The following HMOX2 variants were observed in gnomAD, a reference collection of about 807,000 sequenced individuals.
HMOX2 encodes heme oxygenase 2, also known as heme oxygenase (decycling) 2.
Under a neutral mutation model 33.7 loss-of-function variants are expected in HMOX2, and 30 were observed. The observed-to-expected ratio is 0.89, with a 90% CI of 0.67 to 1.21. HMOX2 has a LOEUF of 1.21. Among genes scored for constraint, HMOX2 ranks in the 50% most tolerant of loss-of-function variants. The pLI is 0.00. For missense variants in HMOX2, 403 were observed against 399.1 expected (o/e 1.01, Z -0.08); for synonymous variants, 155 against 155.0 (o/e 1.00, Z 0.00).
intron 1 of HMOX2, among the ~76,000 whole-genome samples, chr16:4,504,534 AT>A (rs1041740798): frequency 2.0e-5 from 3 of 147,972 alleles, no homozygotes; most frequent in Non-Finnish European, 4.5e-5. Context: ...CTAATTTTGC[AT>A]TTTTAGTAGA....
chr16:4,497,928 T>A (rs1466474014), intron 1 of HMOX2, among the ~76,000 whole-genome samples: 1 of 152,092 alleles, frequency 6.6e-6, no homozygotes, highest in Non-Finnish European at 1.5e-5. Flanking sequence ...ACTTAAGAGG[T>A]TAATGCCTTT....
intron 1 of HMOX2, among the ~76,000 whole-genome samples, chr16:4,501,310 C>T (rs895352106): frequency 1.3e-5 from 2 of 152,094 alleles, no homozygotes; most frequent in African/African-American, 4.8e-5. Context: ...CAGTTATAGT[C>T]GGTGTTTGGG....
Position 4,508,040 on chromosome 16 carries a change from C to T in HMOX2, c.532C>T (p.Pro178Ser). 1.2e-6 allele frequency: 2 copies of T among 1,614,004 alleles called. No individual in the cohort carries two copies. Among genetic ancestry groups the T allele is most frequent in the Non-Finnish European group, 1.7e-6 (2 of 1,179,986 alleles). ...GGTGGCCCAGCGAGCACTGAAACTC[C>T]CCAGCACAGGGGAAGGGACCCAGTT... ...KKVAQRALKL[P>S]STGEGTQFYL... The change falls in exon 4 of 6, where the codon CCC becomes TCC. Residue 178 changes from proline (P) to serine (S), a missense_variant. Physicochemically the swap from Pro to Ser is moderately conservative, Grantham distance 74 (BLOSUM62 -1). Coordinates refer to ENST00000570646, the MANE Select transcript of HMOX2 (RefSeq NM_002134.4).
At chr16:4,489,034 G>A (rs1321652019) in intron 1 of HMOX2, among the ~76,000 whole-genome samples, 1 of 151,936 alleles carries the variant, frequency 6.6e-6, no homozygotes, top group African/African-American at 2.4e-5. Context: ...TTGCCTTGTT[G>A]CCCAGGCTGG....
At chr16:4,474,949 T>A (rs2057773243), upstream of HMOX2, 1 of 152,038 alleles carries the variant, frequency 6.6e-6, no homozygotes. Flanking sequence ...ACTTTTAAAA[T>A]TTTATTATTT....
chr16:4,474,953 A>T (rs2057773577), upstream of HMOX2: 1 of 151,748 alleles, frequency 6.6e-6, no homozygotes, highest in African/African-American at 2.4e-5. Flanking sequence ...TTAAAATTTT[A>T]TTATTTTTAT....
intron 1 of HMOX2, among the ~76,000 whole-genome samples, chr16:4,490,034 G>T (rs2058268038): frequency 6.6e-6 from 1 of 152,182 alleles, no homozygotes; most frequent in Non-Finnish European, 1.5e-5. Context: ...ACCCTGACTG[G>T]TGTGTAATTG....
At chr16:4,505,864 A>T (rs1051084100) in intron 2 of HMOX2, among the ~76,000 whole-genome samples, 1 of 152,182 alleles carries the variant, frequency 6.6e-6, no homozygotes, top group East Asian at 1.9e-4. Flanking sequence ...GATGGTAGTT[A>T]TCCTTTTTTC....
At chr16:4,475,606 C>T (rs1383930648), upstream of HMOX2, among the ~76,000 whole-genome samples, 3 of 152,094 alleles carry the variant, frequency 2.0e-5, no homozygotes, top group East Asian at 5.8e-4. Context: ...GCCACCACAC[C>T]CGGCCCACGA....
intron 1 of HMOX2, among the ~76,000 whole-genome samples, chr16:4,490,869 G>A (rs535639228): frequency 1.3e-4 from 20 of 152,312 alleles, no homozygotes; most frequent in African/African-American, 4.6e-4. Flanking sequence ...GTTTCTCAGC[G>A]TTAGTGCTGT....
At chr16:4,486,219 G>A (rs2058163979) in intron 1 of HMOX2, among the ~76,000 whole-genome samples, 1 of 152,230 alleles carries the variant, frequency 6.6e-6, no homozygotes, top group African/African-American at 2.4e-5. Flanking sequence ...AAGTATTTGA[G>A]TAGATTAAAG....
intron 1 of HMOX2, 133 bp from the exon 2 acceptor site, chr16:4,505,346 CTTTAT>C (rs1033800503): frequency 2.4e-4 from 124 of 519,692 alleles, no homozygotes; most frequent in Admixed American, 1.4e-3. Flanking sequence ...AATGGCAGAG[CTTTAT>C]TTTAAAGAAA....
intron 2 of HMOX2, among the ~76,000 whole-genome samples, chr16:4,506,504 C>G (rs368313344): frequency 1.3e-5 from 2 of 152,166 alleles, no homozygotes; most frequent in East Asian, 3.8e-4. Flanking sequence ...CCAGAAGACA[C>G]GTTCCAAGGC....
intron 1 of HMOX2, among the ~76,000 whole-genome samples, chr16:4,484,604 G>A (rs1267669185): frequency 1.3e-5 from 2 of 151,830 alleles, no homozygotes; most frequent in Admixed American, 6.6e-5. Context: ...GGGATTACAG[G>A]TGTGCACCAC....
intron 1 of HMOX2, chr16:4,502,692 G>C (rs1249403699): frequency 6.6e-6 from 1 of 152,184 alleles, no homozygotes; most frequent in African/African-American, 2.4e-5. Flanking sequence ...AGGGTGTACA[G>C]CAAAGCTGTT....
chr16:4,490,362 A>T (rs1394388889), intron 1 of HMOX2, among the ~76,000 whole-genome samples: 11 of 152,096 alleles, frequency 7.2e-5, no homozygotes, highest in Admixed American at 7.2e-4. Flanking sequence ...TTCACTGAGA[A>T]ATGACTCCTT....
intron 3 of HMOX2, 39 bp downstream of exon 3, chr16:4,507,051 G>A (rs770113488): frequency 1.5e-6 from 2 of 1,349,936 alleles, no homozygotes; most frequent in Non-Finnish European, 2.1e-6. Flanking sequence ...GTCATATGGG[G>A]TTGGGGTGGG....
At chr16:4,487,939 G>A (rs1318410708) in intron 1 of HMOX2, among the ~76,000 whole-genome samples, 1 of 137,426 alleles carries the variant, frequency 7.3e-6, no homozygotes, top group South Asian at 2.3e-4. Context: ...CAACAAGAGC[G>A]AAACTCTGTC....
intron 1 of HMOX2, among the ~76,000 whole-genome samples, chr16:4,501,500 G>C (rs552558060): frequency 7.2e-5 from 11 of 152,030 alleles, no homozygotes; most frequent in Non-Finnish European, 1.5e-4. Flanking sequence ...GTATTATTTT[G>C]ATACAGATTA....
Sources: gnomAD v4.1 joint callset for allele counts (sites outside exome capture counted in the v4.1 genomes callset) on GRCh38, gnomAD v4.1.1 for gene constraint, MANE v1.5 for transcripts, NCBI Gene and HGNC (gene_info 2026-07-23, HGNC 2026-07-21) for gene names.